Variants in LRRC4C observed in about 807,000 individuals in gnomAD.
LRRC4C encodes leucine rich repeat containing 4C, also known as leucine-rich repeat-containing protein 4C.
LRRC4C carries 5 observed loss-of-function variants against 33.6 expected under a neutral mutation model. The observed-to-expected ratio is 0.15, with a 90% CI of 0.08 to 0.31. The LOEUF (loss-of-function observed/expected upper bound fraction) is 0.31. LRRC4C is among the 10% of genes least tolerant of loss of function. The pLI is 1.00. For synonymous variants in LRRC4C, 329 were observed against 302.0 expected, an observed-to-expected ratio of 1.09 and a Z score of -0.93; for missense variants, 560 against 796.7, an observed-to-expected ratio of 0.70 and a Z score of 3.58.
intron 2 of LRRC4C, among the ~76,000 whole-genome samples, chr11:40,665,672 T>A (rs919793709): frequency 2.0e-5 from 3 of 151,870 alleles, no homozygotes; most frequent in Admixed American, 6.6e-5. Flanking sequence ...ATACTACTCA[T>A]GAGTGTGTAA....
intron 5 of LRRC4C, among the ~76,000 whole-genome samples, chr11:40,159,123 G>T (rs563069196): frequency 1.3e-5 from 2 of 152,180 alleles, no homozygotes; most frequent in Admixed American, 6.5e-5. Flanking sequence ...TGAAAATTTG[G>T]TCGTTGTTTT....
chr11:40,379,350 C>T (rs1205337363), intron 3 of LRRC4C, among the ~76,000 whole-genome samples: 1 of 152,112 alleles, frequency 6.6e-6, no homozygotes, highest in Non-Finnish European at 1.5e-5. Context: ...CAGAAAGCAG[C>T]TGTTTTAAAC....
At chr11:40,612,717 A>G (rs957866893) in intron 3 of LRRC4C, among the ~76,000 whole-genome samples, 1 of 151,934 alleles carries the variant, frequency 6.6e-6, no homozygotes, top group Non-Finnish European at 1.5e-5. Context: ...TAGCCCTTTC[A>G]TCACTTGGCT....
chr11:40,137,897 A>C (rs1230533554), intron 6 of LRRC4C, among the ~76,000 whole-genome samples: 1 of 152,188 alleles, frequency 6.6e-6, no homozygotes, highest in Non-Finnish European at 1.5e-5. Context: ...AATTCATACA[A>C]AACCAAAACA....
chr11:41,064,745 G>A (rs184629530), intron 1 of LRRC4C, among the ~76,000 whole-genome samples: 12 of 152,342 alleles, frequency 7.9e-5, no homozygotes, highest in African/African-American at 2.6e-4. Flanking sequence ...ACTGAGACTA[G>A]TTAGGCAATG....
At chr11:40,699,386 A>G in intron 2 of LRRC4C, among the ~76,000 whole-genome samples, 1 of 152,316 alleles carries the variant, frequency 6.6e-6, no homozygotes, top group East Asian at 1.9e-4. Context: ...TAGAAAGCCT[A>G]CTATTTTTTA....
intron 1 of LRRC4C, among the ~76,000 whole-genome samples, chr11:41,118,539 A>C (rs1942257995): frequency 6.6e-6 from 1 of 152,278 alleles, no homozygotes; most frequent in South Asian, 2.1e-4. Flanking sequence ...AGTCACATTT[A>C]ATGTATCTCT....
chr11:40,888,767 G>A (rs953968719), intron 2 of LRRC4C, among the ~76,000 whole-genome samples: 2 of 151,994 alleles, frequency 1.3e-5, no homozygotes, highest in Middle Eastern at 3.4e-3. Flanking sequence ...CTTCAAATAT[G>A]TCCGAGATCT....
intron 1 of LRRC4C, among the ~76,000 whole-genome samples, chr11:41,287,951 G>A (rs919275533): frequency 2.0e-5 from 3 of 152,098 alleles, no homozygotes; most frequent in Admixed American, 2.0e-4. Context: ...TACTTGTTAT[G>A]CAATCTTCTG....
intron 1 of LRRC4C, among the ~76,000 whole-genome samples, chr11:41,091,304 C>T (rs889713420): frequency 1.3e-5 from 2 of 151,844 alleles, no homozygotes; most frequent in Non-Finnish European, 2.9e-5. Flanking sequence ...AAATGGAAGA[C>T]GCTTTCTCTG....
At chr11:40,817,964 T>A (rs1180837249) in intron 2 of LRRC4C, among the ~76,000 whole-genome samples, 2 of 152,128 alleles carry the variant, frequency 1.3e-5, no homozygotes, top group Non-Finnish European at 2.9e-5. Context: ...TAATTATGCC[T>A]AATGGGCTTC....
chr11:40,570,935 T>C (rs1038715674), intron 3 of LRRC4C, among the ~76,000 whole-genome samples: 1 of 152,148 alleles, frequency 6.6e-6, no homozygotes, highest in Non-Finnish European at 1.5e-5. Flanking sequence ...AGAAAAAACT[T>C]TGGATATGCT....
chr11:40,831,622 C>A (rs1382882598), intron 2 of LRRC4C, among the ~76,000 whole-genome samples: 6 of 151,928 alleles, frequency 3.9e-5, no homozygotes, highest in African/African-American at 1.2e-4. Context: ...ATACCCGAGA[C>A]TGGGTAAATT....
chr11:40,914,700 C>T (rs531247629), intron 2 of LRRC4C, among the ~76,000 whole-genome samples: 2 of 152,062 alleles, frequency 1.3e-5, no homozygotes, highest in Non-Finnish European at 2.9e-5. Context: ...CTGGCCAGGA[C>T]AATCAGTCAG....
intron 2 of LRRC4C, among the ~76,000 whole-genome samples, chr11:40,858,071 C>A (rs1953888999): frequency 6.8e-6 from 1 of 146,716 alleles, no homozygotes; most frequent in Non-Finnish European, 1.5e-5. Context: ...TAAAGCTGCA[C>A]TACCCAATGT....
At chr11:40,806,554 AC>A (rs1203952122) in intron 2 of LRRC4C, among the ~76,000 whole-genome samples, 1 of 152,046 alleles carries the variant, frequency 6.6e-6, no homozygotes, top group Non-Finnish European at 1.5e-5. Flanking sequence ...AGTCACAATG[AC>A]CCCCTCCTTT....
chr11:41,403,104 G>A (rs72896573), intron 1 of LRRC4C, among the ~76,000 whole-genome samples: 16,632 of 152,122 alleles, frequency 0.11, 1,213 homozygotes, highest in Non-Finnish European at 0.17. Flanking sequence ...AAACTATGGT[G>A]AGGAGGTTCA....
intron 1 of LRRC4C, among the ~76,000 whole-genome samples, chr11:40,964,657 G>C (rs1374407976): frequency 1.3e-5 from 2 of 151,746 alleles, no homozygotes; most frequent in Non-Finnish European, 2.9e-5. Flanking sequence ...TGCTAAGAAT[G>C]ATGGTTTCCA....
rs377519192 is a variant in LRRC4C at position 41,108,374 on chromosome 11, T to C, written c.-495-174651A>G. ...CGATTTGTGCTTAAGATAAGGTTAGTAATACATTTTAATTTACAAACTAAG... is the reference window on the plus strand; with the variant it reads ...CGATTTGTGCTTAAGATAAGGTTAGCAATACATTTTAATTTACAAACTAAG... On this transcript the variant is annotated intron_variant, in intron 1 of 6. Transcript: ENST00000528697. 1.1e-4 allele frequency among the ~76,000 whole-genome samples: 17 copies of C among 152,236 alleles called. 1 individual carries two copies. The highest frequency in any genetic ancestry group is 9.7e-4 in the East Asian group (5 of 5,156).
Sources: allele counts gnomAD v4.1 joint callset (sites outside exome capture counted in the v4.1 genomes callset), GRCh38; gene constraint gnomAD v4.1.1; transcripts MANE v1.5; gene names NCBI Gene and HGNC (gene_info 2026-07-23, HGNC 2026-07-21).